Variants in RAB3GAP2 observed in about 807,000 individuals in gnomAD.
RAB3GAP2 encodes the protein rab3 GTPase-activating protein non-catalytic subunit.
RAB3GAP2 carries 87 observed loss-of-function variants against 185.3 expected under a neutral mutation model. That is an observed-to-expected ratio of 0.47 (90% confidence interval 0.39 to 0.56). The LOEUF is 0.56. Ranked by LOEUF, RAB3GAP2 falls within the 20% of genes least tolerant of loss-of-function variation. The probability of loss-of-function intolerance (pLI) is 0.00; values close to 1 mark genes in which losing one functional copy is unlikely to be tolerated. For missense variants in RAB3GAP2, 1,492 were observed against 1,638.2 expected (o/e 0.91, Z 1.54); for synonymous variants, 554 against 576.1 (o/e 0.96, Z 0.55).
intron 1 of RAB3GAP2, among the ~76,000 whole-genome samples, chr1:220,244,897 T>G (rs1175369391): frequency 6.6e-6 from 1 of 152,134 alleles, no homozygotes; most frequent in African/African-American, 2.4e-5. Flanking sequence ...GAAAAACTCT[T>G]CTGGATATTG....
chr1:220,241,788 G>A (rs1261795818), intron 1 of RAB3GAP2, among the ~76,000 whole-genome samples: 1 of 151,254 alleles, frequency 6.6e-6, no homozygotes, highest in Non-Finnish European at 1.5e-5. Flanking sequence ...CTTACCAAAG[G>A]GTTATATTAC....
At chr1:220,157,679 C>T in intron 30 of RAB3GAP2, 123 bp downstream of exon 30, 1 of 1,100,496 alleles carries the variant, frequency 9.1e-7, no homozygotes, top group Non-Finnish European at 1.3e-6. Flanking sequence ...GGGCTCAAGT[C>T]AAAATTTAGA....
rs201774882 is a variant in RAB3GAP2 at position 220,241,425 on chromosome 1, CA to C, written c.116-8563del. Among the ~76,000 whole-genome samples, 364 of 152,132 alleles carry C rather than the reference CA, an allele frequency of 2.4e-3. 2 individuals carry two copies. Among genetic ancestry groups the C allele is most frequent in the African/African-American group, 8.5e-3 (353 of 41,560 alleles). Reference sequence around the variant, plus strand: ...AAAGATCTTAGTACAGAAGTAAATTCATTTCCGTTCTTCTGAGATGAGAAAA... The same window carrying C: ...AAAGATCTTAGTACAGAAGTAAATTCTTTCCGTTCTTCTGAGATGAGAAAA... On this transcript the variant is annotated intron_variant, in intron 1 of 34. Coordinates refer to ENST00000358951, the MANE Select transcript of RAB3GAP2 (RefSeq NM_012414.4).
Position 220,149,856 on chromosome 1 carries a change from G to A in RAB3GAP2, c.*1395C>T, listed in dbSNP as rs939745429. The A allele has an allele frequency of 6.6e-6, 1 of 152,028 alleles. No homozygotes were observed. Among genetic ancestry groups the A allele is most frequent in the Non-Finnish European group, 1.5e-5 (1 of 67,994 alleles). The allele number at this position is 152,028 out of a possible 1,614,324, so 9.4% of individuals were successfully genotyped here. ...CTCTTTTAGCTCAAAAAACAGATTT[G>A]TTTTTCTTTTTATATCCCTGAAGGA... On this transcript the variant is annotated 3_prime_UTR_variant, in exon 35 of 35. Transcript: ENST00000358951.
Position 220,190,120 on chromosome 1 carries a change from T to C in RAB3GAP2, c.1658A>G (p.Asp553Gly). ...LSDKKSERAK[D>G]MHLVKKLAAL... ...TGCTAGTTTCTTCACTAGGTGCATA[T>C]CCTTGGCTCGTTCACTCTTCTTATC... is the stretch of plus-strand genomic sequence containing the variant. Residue 553 changes from aspartate (D) to glycine (G), a missense_variant, in exon 16 of 35, where the codon GAT becomes GGT. This residue lies in a region of RAB3GAP2 where 681 missense variants were observed against 689.1 expected (regional missense o/e 0.99). Transcript: ENST00000358951. 6.2e-7 allele frequency: 1 copy of C among 1,613,534 alleles called. No individual in the cohort carries two copies. The highest frequency in any genetic ancestry group is 8.5e-7 in the Non-Finnish European group (1 of 1,179,512).
chr1:220,164,821 A>G lies in RAB3GAP2; in HGVS notation c.3088-22T>C, dbSNP rs773420888. The G allele has an allele frequency of 1.9e-6, 3 of 1,595,624 alleles. No individual in the cohort carries two copies. The African/African-American group carries it at 4.0e-5, about 21-fold the overall frequency. On this transcript the variant is annotated intron_variant, in intron 26 of 34. Transcript: ENST00000358951. ...CTTCCTTACATACAGGGAGAAAAAAACGAGAAAGAAAAAGAGGTATCATTT... is the reference window on the plus strand; with the variant it reads ...CTTCCTTACATACAGGGAGAAAAAAGCGAGAAAGAAAAAGAGGTATCATTT...
Position 220,195,342 on chromosome 1 carries a change from T to C in RAB3GAP2, c.996A>G (p.Leu332=). The change falls in exon 11 of 35, where the codon CTA becomes CTG. Residue 332 remains leucine, a synonymous_variant. Transcript: ENST00000358951. ...STQPLLSHVA[L]AVASKLTSAL... ...CAGAAGTGAGTTTACTTGCAACTGC[T>C]AGTGCAACATGGGATAATAATGGTT... The C allele has an allele frequency of 6.2e-7, 1 of 1,613,262 alleles. No homozygotes were observed. The highest frequency in any genetic ancestry group is 1.1e-5 in the South Asian group (1 of 91,070).
intron 1 of RAB3GAP2, chr1:220,253,461 G>C: frequency 6.7e-7 from 1 of 1,490,108 alleles, no homozygotes; most frequent in Non-Finnish European, 9.0e-7. Flanking sequence ...CCAGGATGTA[G>C]AGCTGGCAGT....
chr1:220,179,693 T>C (rs1320484643), intron 21 of RAB3GAP2, among the ~76,000 whole-genome samples: 2 of 152,100 alleles, frequency 1.3e-5, no homozygotes, highest in African/African-American at 2.4e-5. Flanking sequence ...AGAATAAAAG[T>C]AGAGATCAGT....
At chr1:220,159,678 A>G (rs1305612175) in intron 28 of RAB3GAP2, among the ~76,000 whole-genome samples, 1 of 152,136 alleles carries the variant, frequency 6.6e-6, no homozygotes, top group Non-Finnish European at 1.5e-5. Context: ...TTAAATAAGT[A>G]AAAACTCTAA....
intron 1 of RAB3GAP2, chr1:220,266,731 G>A: frequency 6.3e-7 from 1 of 1,584,772 alleles, no homozygotes; most frequent in Non-Finnish European, 8.7e-7. Flanking sequence ...TTGATTCTTT[G>A]TTTTGGCAAT....
intron 4 of RAB3GAP2, among the ~76,000 whole-genome samples, chr1:220,212,394 A>G (rs976607396): frequency 1.3e-5 from 2 of 152,236 alleles, no homozygotes; most frequent in African/African-American, 4.8e-5. Flanking sequence ...ATTACACGAT[A>G]TATAAAATTT....
chr1:220,212,955 A>G lies in RAB3GAP2; in HGVS notation c.318T>C (p.Tyr106=). 1.2e-6 allele frequency: 2 copies of G among 1,610,950 alleles called. No individual in the cohort carries two copies. Among genetic ancestry groups the G allele is most frequent in the Non-Finnish European group, 1.7e-6 (2 of 1,177,696 alleles). The part of the protein sequence containing the change: ...KAVFLVPKWK[Y]SDKGKEEMQF... ...GCATTTCTTCCTTTCCTTTATCACT[A>G]TATTTCCATTTTGCTGTAAGAATTA... The change falls in exon 4 of 35, where the codon TAT becomes TAC. Residue 106 remains tyrosine (Y), a synonymous_variant. Coordinates refer to ENST00000358951, the MANE Select transcript of RAB3GAP2 (RefSeq NM_012414.4).
rs751314223 is a variant in RAB3GAP2 at position 220,272,358 on chromosome 1, C to T, written c.-21G>A. 5 of 1,561,104 alleles carry T rather than the reference C, an allele frequency of 3.2e-6. No homozygotes were observed. The South Asian group carries it at 3.4e-5, about 11-fold the overall frequency. Reference sequence around the variant, plus strand: ...GCCATGGCTCCAGGGAACCCCACTACGGCACTCACCTTACCTCACCACGCC... The same window carrying T: ...GCCATGGCTCCAGGGAACCCCACTATGGCACTCACCTTACCTCACCACGCC... On this transcript the variant is annotated 5_prime_UTR_variant, in exon 1 of 35. Coordinates refer to ENST00000358951, the MANE Select transcript of RAB3GAP2 (RefSeq NM_012414.4).
chr1:220,159,271 C>T, intron 29 of RAB3GAP2, 115 bp downstream of exon 29: 1 of 868,738 alleles, frequency 1.2e-6, no homozygotes, highest in South Asian at 1.5e-5. Context: ...TTCTTATCTC[C>T]TTCTGATACG....
chr1:220,211,478 T>C, intron 4 of RAB3GAP2: 1 of 413,126 alleles, frequency 2.4e-6, no homozygotes, highest in South Asian at 1.8e-5. Context: ...CAGGGTACAT[T>C]ATTTTAGGAA....
At position 220,202,284 on chromosome 1, in the gene RAB3GAP2, G is replaced by A; in HGVS notation, c.803C>T (p.Ala268Val). 6.2e-7 allele frequency: 1 copy of A among 1,613,492 alleles called. No individual in the cohort carries two copies. Among genetic ancestry groups the A allele is most frequent in the Non-Finnish European group, 8.5e-7 (1 of 1,179,772 alleles). Residue 268 changes from alanine to valine, a missense_variant, in exon 9 of 35, where the codon GCT (alanine) becomes GTT (valine). This residue lies in a region of RAB3GAP2 where 243 missense variants were observed against 314.8 expected (regional missense o/e 0.77). Transcript: ENST00000358951. ...LQDIDTIIDH[A>V]SVGIMTLSPF... is the part of the protein sequence containing the mutation. ...GAATTAGTAATACTTACCAACACTA[G>A]CATGATCAATAATAGTGTCAATATC...
intron 1 of RAB3GAP2, chr1:220,254,186 A>T (rs1303820646): frequency 3.1e-6 from 5 of 1,613,492 alleles, no homozygotes; most frequent in Non-Finnish European, 4.2e-6. Context: ...TCTCGTGGAA[A>T]CACAGATAAT....
At position 220,157,379 on chromosome 1, in the gene RAB3GAP2, T is replaced by C. The variant is rs761815723; in HGVS notation, c.3446A>G (p.His1149Arg). Reference protein sequence around the residue: ...SIVELALEQKHIHYPLVEHHS... With the variant: ...SIVELALEQKRIHYPLVEHHS... Reference sequence around the variant, plus strand: ...GTGCTCCACCAGTGGGTAGTGGATGTGCTTCTGTTCAAGGGCCAGTTCCAC... The same window carrying C: ...GTGCTCCACCAGTGGGTAGTGGATGCGCTTCTGTTCAAGGGCCAGTTCCAC... The change falls in exon 31 of 35, where the codon CAC becomes CGC. Residue 1149 changes from histidine (H) to arginine (R), a missense_variant. Physicochemically the swap from His to Arg is conservative, Grantham distance 29. Around this residue, in one of 5 missense-constraint regions of RAB3GAP2, gnomAD observed 387 missense variants for 455.3 expected, o/e 0.85. Coordinates refer to ENST00000358951, the MANE Select transcript of RAB3GAP2 (RefSeq NM_012414.4). The C allele has an allele frequency of 3.7e-6, 6 of 1,614,024 alleles. No homozygotes were observed. In the South Asian group the frequency reaches 6.6e-5, roughly 18 times the overall value.
Sources: gnomAD v4.1 joint callset for allele counts (sites outside exome capture counted in the v4.1 genomes callset) on GRCh38, gnomAD v4.1.1 for gene constraint, gnomAD v4.1.1 regional missense constraint, MANE v1.5 for transcripts, NCBI Gene and HGNC (gene_info 2026-07-23, HGNC 2026-07-21) for gene names.